RBFOX1: variants seen among roughly 807,000 people sequenced by gnomAD.
RBFOX1 encodes RNA binding protein fox-1 homolog 1.
In RBFOX1, 8 loss-of-function variants were observed where a neutral mutation model predicts 57.7. That is an observed-to-expected ratio of 0.14 (90% CI 0.08 to 0.25). The LOEUF (loss-of-function observed/expected upper bound fraction) is 0.25. RBFOX1 is among the 10% of genes least tolerant of loss of function. The pLI, the probability that RBFOX1 is intolerant of heterozygous loss-of-function variation, is 1.00. For missense variants in RBFOX1, 611 were observed against 548.5 expected (o/e 1.11, Z -1.14); for synonymous variants, 326 against 222.4 (o/e 1.47, Z -4.15).
At chr16:7,118,825 G>T (rs368421923) in intron 4 of RBFOX1, among the ~76,000 whole-genome samples, 26 of 152,086 alleles carry the variant, frequency 1.7e-4, no homozygotes, top group Non-Finnish European at 3.1e-4. Context: ...AGAATTACCA[G>T]GGCACCGAAA....
At chr16:6,511,404 G>T (rs555708270) in intron 2 of RBFOX1, among the ~76,000 whole-genome samples, 1 of 152,154 alleles carries the variant, frequency 6.6e-6, no homozygotes, top group Non-Finnish European at 1.5e-5. Flanking sequence ...AATATCATAC[G>T]CAAAATGAAG....
intron 2 of RBFOX1, among the ~76,000 whole-genome samples, chr16:5,521,948 A>T (rs890073887): frequency 5.3e-5 from 8 of 152,166 alleles, no homozygotes; most frequent in African/African-American, 1.9e-4. Flanking sequence ...CAGATTACAG[A>T]GGAGGCTGAG....
At chr16:5,408,534 C>G (rs2066924544) in intron 1 of RBFOX1, among the ~76,000 whole-genome samples, 1 of 152,224 alleles carries the variant, frequency 6.6e-6, no homozygotes, top group African/African-American at 2.4e-5. Context: ...TCTCTTTCTC[C>G]TGGACCATTC....
chr16:7,541,127 G>A (rs1482595628), intron 5 of RBFOX1, among the ~76,000 whole-genome samples: 1 of 152,206 alleles, frequency 6.6e-6, no homozygotes, highest in Non-Finnish European at 1.5e-5. Context: ...GCCCCTGACT[G>A]CTGTATGTAC....
chr16:6,749,601 C>G (rs1228103674), intron 3 of RBFOX1, among the ~76,000 whole-genome samples: 3 of 152,130 alleles, frequency 2.0e-5, no homozygotes, highest in Non-Finnish European at 1.5e-5. Context: ...ATTCATTGCA[C>G]CGTTTATTGA....
At chr16:5,387,620 A>G (rs1049166398) in intron 1 of RBFOX1, among the ~76,000 whole-genome samples, 3 of 152,176 alleles carry the variant, frequency 2.0e-5, no homozygotes, top group African/African-American at 4.8e-5. Context: ...GGCCACACCT[A>G]TTGGCAAGGG....
intron 1 of RBFOX1, among the ~76,000 whole-genome samples, chr16:5,278,686 C>A (rs1161820449): frequency 6.6e-6 from 1 of 152,172 alleles, no homozygotes; most frequent in Admixed American, 6.5e-5. Flanking sequence ...TCAAGAGTTT[C>A]TCCTGTGTTT....
At chr16:5,470,706 C>G (rs370608925) in intron 2 of RBFOX1, among the ~76,000 whole-genome samples, 2 of 152,126 alleles carry the variant, frequency 1.3e-5, no homozygotes, top group East Asian at 3.9e-4. Flanking sequence ...AACCTGCCCA[C>G]AGTCACACTG....
intron 4 of RBFOX1, among the ~76,000 whole-genome samples, chr16:5,930,894 A>G: frequency 9.0e-6 from 1 of 111,214 alleles, no homozygotes; most frequent in Non-Finnish European, 1.8e-5. Context: ...GGGAGGGTGG[A>G]TGGATGCATG....
intron 3 of RBFOX1, among the ~76,000 whole-genome samples, chr16:5,709,030 C>G (rs1339778707): frequency 6.6e-6 from 1 of 152,174 alleles, no homozygotes; most frequent in African/African-American, 2.4e-5. Flanking sequence ...AAATATTTCC[C>G]TACTCAGGAT....
chr16:7,398,904 A>G (rs754650445), intron 4 of RBFOX1, among the ~76,000 whole-genome samples: 5 of 152,198 alleles, frequency 3.3e-5, no homozygotes, highest in Non-Finnish European at 7.3e-5. Flanking sequence ...CTACTGTAAC[A>G]AATGCCCACA....
At position 5,798,944 on chromosome 16, in the gene RBFOX1, C is replaced by A. The variant is rs561925921; in HGVS notation, c.319-68359C>A. ...CTCCAGTTCTGCCACTTGACTCCTG[C>A]AAGATCTCGGGTGAGCCACTCTGAA... On this transcript the variant is annotated intron_variant, in intron 3 of 19. Coordinates refer to the RBFOX1 transcript ENST00000641259. Among the ~76,000 whole-genome samples the A allele has an allele frequency of 3.9e-5, 6 of 152,226 alleles. 1 individual carries two copies. In the East Asian group the frequency reaches 1.2e-3, roughly 30 times the overall value.
In RBFOX1 at chr16:7,653,688, C is replaced by A. The variant is rs547773294; in HGVS notation, c.758-127C>A. 4 of 1,367,246 alleles carry A rather than the reference C, an allele frequency of 2.9e-6. No individual in the cohort carries two copies. In the African/African-American group the frequency reaches 5.8e-5, roughly 20 times the overall value. The allele number at this position is 1,367,246 out of a possible 1,614,324, so 84.7% of individuals were successfully genotyped here. ...TCTCTGCTTTTTAACCTCTTGATTCCGGGAAGCGGGCGGGGGTCCTGCTGG... is the reference window on the plus strand; with the variant it reads ...TCTCTGCTTTTTAACCTCTTGATTCAGGGAAGCGGGCGGGGGTCCTGCTGG... On this transcript the variant is annotated intron_variant, in intron 11 of 15. Coordinates refer to ENST00000550418, the MANE Select transcript of RBFOX1 (RefSeq NM_018723.4).
intron 4 of RBFOX1, among the ~76,000 whole-genome samples, chr16:7,321,485 A>T (rs572582976): frequency 2.6e-5 from 4 of 152,268 alleles, no homozygotes; most frequent in Admixed American, 1.3e-4. Flanking sequence ...AACATGAAAT[A>T]CGTGGAAAGG....
At chr16:7,033,290 C>A (rs866363617) in intron 3 of RBFOX1, among the ~76,000 whole-genome samples, 1 of 152,144 alleles carries the variant, frequency 6.6e-6, no homozygotes, top group East Asian at 1.9e-4. Context: ...GAGGCCGAGG[C>A]GGGCAGATCA....
intron 1 of RBFOX1, among the ~76,000 whole-genome samples, chr16:6,145,561 A>T (rs1305887763): frequency 6.6e-6 from 1 of 152,082 alleles, no homozygotes; most frequent in Non-Finnish European, 1.5e-5. Flanking sequence ...CAGTAATGGG[A>T]TTGCTGAAAA....
intron 4 of RBFOX1, among the ~76,000 whole-genome samples, chr16:7,303,298 C>A (rs1056744377): frequency 1.3e-5 from 2 of 152,238 alleles, no homozygotes; most frequent in African/African-American, 2.4e-5. Context: ...ACCTCCTCCC[C>A]TCCCTCAGCC....
At chr16:7,400,859 G>T (rs2098230307) in intron 4 of RBFOX1, among the ~76,000 whole-genome samples, 1 of 152,170 alleles carries the variant, frequency 6.6e-6, no homozygotes, top group South Asian at 2.1e-4. Flanking sequence ...TGATATTTAG[G>T]GGATCTTCTG....
At chr16:6,099,443 T>C (rs1451872810) in intron 1 of RBFOX1, among the ~76,000 whole-genome samples, 1 of 152,216 alleles carries the variant, frequency 6.6e-6, no homozygotes, top group Admixed American at 6.5e-5. Flanking sequence ...GTCAATTGAT[T>C]ATGTGATTCT....
Sources: allele counts gnomAD v4.1 joint callset (sites outside exome capture counted in the v4.1 genomes callset), GRCh38; gene constraint gnomAD v4.1.1; transcripts MANE v1.5; gene names NCBI Gene and HGNC (gene_info 2026-07-23, HGNC 2026-07-21).